ATP10B: variants seen among roughly 807,000 people sequenced by gnomAD.
ATP10B encodes the protein ATPase phospholipid transporting 10B (putative).
In ATP10B, 122 loss-of-function variants were observed where a neutral mutation model predicts 141.2. That is an observed-to-expected ratio of 0.86 (90% confidence interval 0.75 to 1.00). ATP10B has a LOEUF of 1.00. Ranked by LOEUF, ATP10B falls within the 50% of genes least tolerant of loss-of-function variation. ATP10B has a pLI of 0.00. For synonymous variants in ATP10B, 685 were observed against 692.0 expected, an observed-to-expected ratio of 0.99 and a Z score of 0.16; for missense variants, 1,876 against 1,825.3, an observed-to-expected ratio of 1.03 and a Z score of -0.51.
chr5:160,765,946 A>C (rs1263589838), intron 2 of ATP10B, among the ~76,000 whole-genome samples: 1 of 152,212 alleles, frequency 6.6e-6, no homozygotes, highest in African/African-American at 2.4e-5. Flanking sequence ...CAAGAAATAC[A>C]TGAAAAAATG....
intron 2 of ATP10B, among the ~76,000 whole-genome samples, chr5:160,721,547 A>G (rs10039584): frequency 0.73 from 110,480 of 151,992 alleles, 40,321 homozygotes; most frequent in South Asian, 0.83. Context: ...TTAAAGTTTC[A>G]GATGACTGGG....
Position 160,615,956 on chromosome 5 carries a change from G to C in ATP10B, c.2535C>G (p.Ser845Arg). 6.2e-7 allele frequency: 1 copy of C among 1,613,292 alleles called. No homozygotes were observed. The highest frequency in any genetic ancestry group is 8.5e-7 in the Non-Finnish European group (1 of 1,179,418). The change falls in exon 17 of 26, where the codon AGC (serine) becomes AGG (arginine). Residue 845 changes from serine (S) to arginine (R), a missense_variant. Transcript: ENST00000327245. ...RTLCIAKKVV[S>R]EEDFRRWASF... Reference sequence around the variant, plus strand: ...TGGCCCATCTCCGGAAGTCCTCTTCGCTTACAACCTATGGGATGGGAAAAG... The same window carrying C: ...TGGCCCATCTCCGGAAGTCCTCTTCCCTTACAACCTATGGGATGGGAAAAG...
intron 2 of ATP10B, among the ~76,000 whole-genome samples, chr5:160,730,274 T>C (rs961268771): frequency 1.3e-5 from 2 of 152,162 alleles, no homozygotes; most frequent in Non-Finnish European, 2.9e-5. Flanking sequence ...GGGCTCTGCC[T>C]TGCTGATGAG....
At chr5:160,756,541 G>A (rs1768620949) in intron 2 of ATP10B, among the ~76,000 whole-genome samples, 1 of 152,182 alleles carries the variant, frequency 6.6e-6, no homozygotes, top group South Asian at 2.1e-4. Flanking sequence ...ACTTGGTATA[G>A]TGTTTTTAAT....
intron 10 of ATP10B, 23 bp downstream of exon 10, chr5:160,640,438 G>A: frequency 1.2e-6 from 2 of 1,612,000 alleles, no homozygotes; most frequent in Non-Finnish European, 1.7e-6. Context: ...CTGTGTCCTT[G>A]TTCTTTCCAG....
At chr5:160,926,625 A>G in the ATP10B span, among the ~76,000 whole-genome samples, 1 of 152,350 alleles carries the variant, frequency 6.6e-6, no homozygotes, top group Non-Finnish European at 1.5e-5. Flanking sequence ...CGTAAGTGCA[A>G]TAAGGGACCC....
intron 2 of ATP10B, among the ~76,000 whole-genome samples, chr5:160,723,867 C>T (rs939862060): frequency 6.6e-6 from 1 of 152,056 alleles, no homozygotes; most frequent in African/African-American, 2.4e-5. Context: ...ATAGAAAAGA[C>T]ATGGAATCAA....
intron 2 of ATP10B, among the ~76,000 whole-genome samples, chr5:160,752,728 G>A (rs547896549): frequency 6.6e-6 from 1 of 152,164 alleles, no homozygotes; most frequent in Non-Finnish European, 1.5e-5. Context: ...TGAAGTCAAC[G>A]CGGGGATGTG....
intron 6 of ATP10B, among the ~76,000 whole-genome samples, chr5:160,672,828 C>G (rs1441557674): frequency 1.3e-5 from 2 of 152,242 alleles, no homozygotes; most frequent in African/African-American, 2.4e-5. Context: ...ACAAAAGTCC[C>G]TGAGGAGGAA....
At chr5:160,792,176 G>A (rs976365582) in intron 1 of ATP10B, among the ~76,000 whole-genome samples, 16 of 151,974 alleles carry the variant, frequency 1.1e-4, no homozygotes, top group African/African-American at 3.9e-4. Flanking sequence ...TCCATTTTAT[G>A]TGGGCATTGC....
intron 6 of ATP10B, among the ~76,000 whole-genome samples, chr5:160,674,462 A>G (rs1762904487): frequency 6.6e-6 from 1 of 152,198 alleles, no homozygotes. Flanking sequence ...GGAGCCACCC[A>G]CAAGTGGTAA....
At chr5:160,672,442 C>T (rs539616379) in intron 6 of ATP10B, among the ~76,000 whole-genome samples, 1 of 152,230 alleles carries the variant, frequency 6.6e-6, no homozygotes, top group South Asian at 2.1e-4. Context: ...TGGGGTGTGC[C>T]AAGCCAAATT....
At chr5:160,604,123 A>G (rs1757248049) in intron 19 of ATP10B, 82 bp from the exon 20 acceptor site, 2 of 983,690 alleles carry the variant, frequency 2.0e-6, no homozygotes, top group Non-Finnish European at 3.3e-6. Context: ...GTCCCCAGTT[A>G]CATACAATTG....
Position 160,636,291 on chromosome 5 carries a change from C to A in ATP10B, c.1019G>T (p.Gly340Val). Residue 340 changes from glycine to valine, a missense_variant, in exon 11 of 26, where the codon GGG becomes GTG. Physicochemically the swap from Gly to Val is moderately radical, Grantham distance 109 (BLOSUM62 -3). Coordinates refer to ENST00000327245, the MANE Select transcript of ATP10B (RefSeq NM_025153.3). Reference protein sequence around the residue: ...IGAVGHSIWNGTFEEHPPFDV... With the variant: ...IGAVGHSIWNVTFEEHPPFDV... ...GAAGGGAGGGTGTTCTTCAAAGGTC[C>A]CATTCCAGATGCTGTGACCTGAGAG... is the stretch of plus-strand genomic sequence containing the variant. 1 of 1,613,012 alleles carries A rather than the reference C, an allele frequency of 6.2e-7. No homozygotes were observed. The highest frequency in any genetic ancestry group is 8.5e-7 in the Non-Finnish European group (1 of 1,179,476).
chr5:160,858,679 T>TG, the ATP10B span, among the ~76,000 whole-genome samples: 1 of 151,958 alleles, frequency 6.6e-6, no homozygotes, highest in African/African-American at 2.4e-5. Flanking sequence ...TACCTTCCTG[T>TG]GGTTGTTTGA....
the ATP10B span, among the ~76,000 whole-genome samples, chr5:160,897,685 A>G: frequency 6.6e-6 from 1 of 152,204 alleles, no homozygotes; most frequent in African/African-American, 2.4e-5. Flanking sequence ...ATTAGAAAAA[A>G]ACTACTTTAA....
the ATP10B span, among the ~76,000 whole-genome samples, chr5:160,888,046 A>G: frequency 6.6e-6 from 1 of 152,226 alleles, no homozygotes; most frequent in Non-Finnish European, 1.5e-5. Context: ...TATTGCATAA[A>G]AGGCATATGG....
At chr5:160,854,089 T>C (rs1753937016), upstream of ATP10B, among the ~76,000 whole-genome samples, 1 of 152,134 alleles carries the variant, frequency 6.6e-6, no homozygotes, top group Non-Finnish European at 1.5e-5. Context: ...AGGCTTTTGC[T>C]CCCATCCCCG....
At chr5:160,803,188 G>A (rs767361007) in intron 1 of ATP10B, among the ~76,000 whole-genome samples, 1 of 152,138 alleles carries the variant, frequency 6.6e-6, no homozygotes, top group African/African-American at 2.4e-5. Context: ...TTTGTTGAAG[G>A]AGGATGTTGT....
Sources: allele counts gnomAD v4.1 joint callset (sites outside exome capture counted in the v4.1 genomes callset), GRCh38; gene constraint gnomAD v4.1.1; transcripts MANE v1.5; gene names NCBI Gene and HGNC (gene_info 2026-07-23, HGNC 2026-07-21).